The following TIAL1 variants were observed in gnomAD, a reference collection of about 807,000 sequenced individuals.
TIAL1 encodes nucleolysin TIAR.
Under a neutral mutation model 59.7 loss-of-function variants are expected in TIAL1, and 7 were observed. That is an observed-to-expected ratio of 0.12 (90% CI 0.07 to 0.22). TIAL1 has a LOEUF of 0.22. Ranked by LOEUF, TIAL1 falls within the 10% of genes least tolerant of loss-of-function variation. The probability of loss-of-function intolerance (pLI) is 1.00; values close to 1 mark genes in which losing one functional copy is unlikely to be tolerated. For synonymous variants in TIAL1, 149 were observed against 146.3 expected (o/e 1.02, Z -0.13); for missense variants, 225 against 462.5 (o/e 0.49, Z 4.71).
chr10:119,595,685 C>G (rs1846136283), intron 1 of TIAL1, among the ~76,000 whole-genome samples: 3 of 152,132 alleles, frequency 2.0e-5, no homozygotes, highest in African/African-American at 7.2e-5. Flanking sequence ...TTTCGACGCA[C>G]AAACAGATTA....
Position 119,577,679 on chromosome 10 carries a change from C to G in TIAL1, c.614G>C (p.Cys205Ser), listed in dbSNP as rs757341902. ...DVVNQSSPKN[C>S]TVYCGGIASG... is the part of the protein sequence containing the mutation. ...CGCAATTCCTCCACAGTACACAGTA[C>G]AATTTTTTGGACTTGACTGGTTTAC... Residue 205 changes from cysteine to serine, a missense_variant, in exon 8 of 12, where the codon TGT becomes TCT. Cys to Ser is a moderately radical substitution (Grantham distance 112). Coordinates refer to ENST00000436547, the MANE Select transcript of TIAL1 (RefSeq NM_003252.4). The G allele has an allele frequency of 1.9e-6, 3 of 1,614,156 alleles. No individual in the cohort carries two copies. The highest frequency in any genetic ancestry group is 2.5e-6 in the Non-Finnish European group (3 of 1,180,016).
At chr10:119,590,809 A>G (rs1459875432) in intron 1 of TIAL1, among the ~76,000 whole-genome samples, 2 of 146,554 alleles carry the variant, frequency 1.4e-5, no homozygotes, top group East Asian at 4.1e-4. Context: ...AGAAAGAAAG[A>G]AAGAAAGAAA....
Position 119,574,586 on chromosome 10 carries a change from C to CAAAAAAAAAAAAAAAAAAAAAAAA in TIAL1, c.*1078_*1079insTTTTTTTTTTTTTTTTTTTTTTTT, listed in dbSNP as rs5788360. ...TATTTACATACCAAGTAATGTAAAG[C>CAAAAAAAAAAAAAAAAAAAAAAAA]AAAAAAAAAAAAAAAAAAAAACAAA... On this transcript the variant is annotated 3_prime_UTR_variant, in exon 12 of 12. Coordinates refer to ENST00000436547, the MANE Select transcript of TIAL1 (RefSeq NM_003252.4). The CAAAAAAAAAAAAAAAAAAAAAAAA allele has an allele frequency of 2.3e-5, 2 of 86,546 alleles. No individual in the cohort carries two copies. Among genetic ancestry groups the CAAAAAAAAAAAAAAAAAAAAAAAA allele is most frequent in the Non-Finnish European group, 4.2e-5 (2 of 47,624 alleles). 5.4% of individuals were successfully genotyped at this position (86,546 alleles called of 1,614,324 possible).
At chr10:119,592,515 A>T (rs1845934801) in intron 1 of TIAL1, among the ~76,000 whole-genome samples, 1 of 152,214 alleles carries the variant, frequency 6.6e-6, no homozygotes, top group African/African-American at 2.4e-5. Context: ...CTCTGAAAAG[A>T]GTAGCCCTAC....
chr10:119,593,280 A>G (rs1845984307), intron 1 of TIAL1, among the ~76,000 whole-genome samples: 1 of 152,208 alleles, frequency 6.6e-6, no homozygotes, highest in African/African-American at 2.4e-5. Flanking sequence ...TACTCAATGC[A>G]TAATACCCCA....
chr10:119,582,755 G>C lies in TIAL1; in HGVS notation c.130-198C>G. ...CCTCAGAATACTGCTGAACTCAAACGGAACTATAAAAGCAGTTGTAGAATC... is the reference window on the plus strand; with the variant it reads ...CCTCAGAATACTGCTGAACTCAAACCGAACTATAAAAGCAGTTGTAGAATC... On this transcript the variant is annotated intron_variant, in intron 2 of 11. Transcript: ENST00000436547. This position sits in a 1 kb window ranked among gnomAD's most constrained non-coding sequence, Gnocchi z 5.1. 1.5e-6 allele frequency: 1 copy of C among 680,692 alleles called. No homozygotes were observed. The highest frequency in any genetic ancestry group is 3.7e-5 in the Admixed American group (1 of 26,808). 42.2% of individuals were successfully genotyped at this position (680,692 alleles called of 1,614,324 possible).
chr10:119,595,568 AT>A (rs1846127350), intron 1 of TIAL1, among the ~76,000 whole-genome samples: 1 of 152,212 alleles, frequency 6.6e-6, no homozygotes, highest in Non-Finnish European at 1.5e-5. Context: ...GAATTCATTC[AT>A]TAGATTGAGC....
At chr10:119,594,051 G>A (rs1021217592) in intron 1 of TIAL1, among the ~76,000 whole-genome samples, 1 of 146,484 alleles carries the variant, frequency 6.8e-6, no homozygotes, top group Non-Finnish European at 1.5e-5. Flanking sequence ...GACCTAGGAA[G>A]ATGTAGTAGT....
chr10:119,587,486 C>T (rs1214977022), intron 2 of TIAL1, among the ~76,000 whole-genome samples: 1 of 152,208 alleles, frequency 6.6e-6, no homozygotes, highest in East Asian at 1.9e-4. Context: ...GCTTCTAGAG[C>T]ATTTATTATC....
intron 2 of TIAL1, among the ~76,000 whole-genome samples, chr10:119,584,814 G>C (rs1845471848): frequency 6.6e-6 from 1 of 151,910 alleles, no homozygotes; most frequent in Admixed American, 6.6e-5. Flanking sequence ...GGGCAACAGA[G>C]CCAGACTCTG....
intron 2 of TIAL1, among the ~76,000 whole-genome samples, chr10:119,583,168 C>T (rs993979174): frequency 2.6e-5 from 4 of 152,102 alleles, no homozygotes; most frequent in Non-Finnish European, 5.9e-5. Context: ...GAATTCCCTA[C>T]CTTCCAAAAT....
chr10:119,593,556 G>A (rs1252304679), intron 1 of TIAL1: 2 of 918,298 alleles, frequency 2.2e-6, no homozygotes, highest in South Asian at 5.0e-5. Context: ...GGCATCTTAA[G>A]GAAACAATTT....
At chr10:119,586,536 CAT>C (rs1207424515) in intron 2 of TIAL1, among the ~76,000 whole-genome samples, 2 of 152,218 alleles carry the variant, frequency 1.3e-5, no homozygotes, top group Admixed American at 6.5e-5. Flanking sequence ...TCATTCTCTA[CAT>C]AGAGTAGTAA....
chr10:119,586,938 T>G (rs1845595433), intron 2 of TIAL1, among the ~76,000 whole-genome samples: 1 of 152,234 alleles, frequency 6.6e-6, no homozygotes, highest in Non-Finnish European at 1.5e-5. Context: ...CATCCCTATT[T>G]GCTTGGGAAA....
At chr10:119,594,737 G>A (rs1210845688) in intron 1 of TIAL1, among the ~76,000 whole-genome samples, 1 of 152,162 alleles carries the variant, frequency 6.6e-6, no homozygotes, top group Non-Finnish European at 1.5e-5. Flanking sequence ...TGATTCTCCT[G>A]CCTCAGCCTC....
chr10:119,590,875 A>G (rs937322383), intron 1 of TIAL1, among the ~76,000 whole-genome samples: 1 of 152,212 alleles, frequency 6.6e-6, no homozygotes, highest in Non-Finnish European at 1.5e-5. Flanking sequence ...CTAAAGGGCT[A>G]GTTAGCTCAC....
intron 11 of TIAL1, 119 bp downstream of exon 11, chr10:119,576,492 C>T (rs952282710): frequency 1.3e-5 from 17 of 1,331,732 alleles, no homozygotes; most frequent in Non-Finnish European, 1.7e-5. Context: ...TTCTATAATG[C>T]TCATAATGCC....
At position 119,588,639 on chromosome 10, in the gene TIAL1, C is replaced by T. The variant is rs187364046; in HGVS notation, c.33-391G>A. Among the ~76,000 whole-genome samples the T allele has an allele frequency of 1.6e-3, 244 of 152,222 alleles. 2 individuals are homozygous for T. The highest frequency in any genetic ancestry group is 0.01 in the Middle Eastern group (3 of 294). ...AATTACAAGCGTGAGCCACTGCGCC[C>T]GGCCACCTTTTATTTCATTTTAACT... On this transcript the variant is annotated intron_variant, in intron 1 of 11. Coordinates refer to ENST00000436547, the MANE Select transcript of TIAL1 (RefSeq NM_003252.4).
intron 1 of TIAL1, chr10:119,593,356 T>C (rs921832429): frequency 3.2e-5 from 15 of 471,190 alleles, no homozygotes; most frequent in East Asian, 1.5e-4. Context: ...ATATGACAAA[T>C]AGAAATTTAG....
Sources: allele counts gnomAD v4.1 joint callset (sites outside exome capture counted in the v4.1 genomes callset), GRCh38; gene constraint gnomAD v4.1.1; non-coding constraint Gnocchi (gnomAD v3.1); transcripts MANE v1.5; gene names NCBI Gene and HGNC (gene_info 2026-07-23, HGNC 2026-07-21).